Variants in MYO1D observed in about 807,000 individuals in gnomAD.
The protein encoded by MYO1D is myosin ID.
In MYO1D, 83 loss-of-function variants were observed where a neutral mutation model predicts 122.0. That is an observed-to-expected ratio of 0.68 (90% CI 0.57 to 0.82). MYO1D has a LOEUF of 0.82. Ranked by LOEUF, MYO1D falls within the 40% of genes least tolerant of loss-of-function variation. The probability of loss-of-function intolerance (pLI) is 0.00; values close to 1 mark genes in which losing one functional copy is unlikely to be tolerated. For synonymous variants in MYO1D, 464 were observed against 446.9 expected, an observed-to-expected ratio of 1.04 and a Z score of -0.48; for missense variants, 1,157 against 1,269.5, an observed-to-expected ratio of 0.91 and a Z score of 1.35.
At chr17:32,596,609 A>C (rs778209131) in intron 21 of MYO1D, among the ~76,000 whole-genome samples, 3 of 152,272 alleles carry the variant, frequency 2.0e-5, no homozygotes, top group Admixed American at 6.5e-5. Flanking sequence ...GTTCAGTTAA[A>C]TCCAGTAACA....
intron 16 of MYO1D, among the ~76,000 whole-genome samples, chr17:32,687,173 C>G (rs2089026347): frequency 6.7e-6 from 1 of 149,768 alleles, no homozygotes; most frequent in Admixed American, 6.7e-5. Context: ...GTACCACAGG[C>G]AAGGGCCAAC....
chr17:32,528,795 C>T (rs1910423997), intron 21 of MYO1D, among the ~76,000 whole-genome samples: 1 of 152,196 alleles, frequency 6.6e-6, no homozygotes, highest in Admixed American at 6.5e-5. Context: ...GTGCCGGCAG[C>T]TCCCAGAGGC....
Position 32,789,158 on chromosome 17 carries a change from T to C in MYO1D, c.96-8374A>G, listed in dbSNP as rs115310783. Among the ~76,000 whole-genome samples, 272 of 152,298 alleles carry C rather than the reference T, an allele frequency of 1.8e-3. 1 individual carries two copies. Among genetic ancestry groups the C allele is most frequent in the African/African-American group, 6.3e-3 (261 of 41,558 alleles). On this transcript the variant is annotated intron_variant, in intron 1 of 21. Transcript: ENST00000318217. The stretch of plus-strand genomic sequence containing the variant: ...AATTTGTTTATCAGATCTAGGAGCT[T>C]TTTTGATAAAGGGTCTTAGGGGTTT...
At chr17:32,645,110 G>A (rs1361690972) in intron 19 of MYO1D, among the ~76,000 whole-genome samples, 1 of 152,116 alleles carries the variant, frequency 6.6e-6, no homozygotes, top group Non-Finnish European at 1.5e-5. Context: ...CAGGCCTGGT[G>A]GTGACAAAAT....
intron 1 of MYO1D, among the ~76,000 whole-genome samples, chr17:32,831,326 C>T (rs143929189): frequency 7.0e-4 from 107 of 152,270 alleles, no homozygotes; most frequent in African/African-American, 2.5e-3. Context: ...TCTTAGATCA[C>T]GCTGAGTTTT....
chr17:32,818,240 A>C (rs1365512927), intron 1 of MYO1D, among the ~76,000 whole-genome samples: 1 of 151,856 alleles, frequency 6.6e-6, no homozygotes, highest in East Asian at 1.9e-4. Context: ...CCACACCTCT[A>C]TCCTGCAAAT....
intron 21 of MYO1D, 60 bp from the exon 22 acceptor site, chr17:32,494,975 G>C (rs1909037190): frequency 3.3e-6 from 5 of 1,494,410 alleles, no homozygotes; most frequent in Non-Finnish European, 4.5e-6. Context: ...CAGGGCACCT[G>C]CCCGGCAGCT....
intron 7 of MYO1D, among the ~76,000 whole-genome samples, chr17:32,766,743 G>C (rs966594865): frequency 6.6e-6 from 1 of 151,872 alleles, no homozygotes; most frequent in African/African-American, 2.4e-5. Flanking sequence ...AGTGAGCCTA[G>C]ATTGCACCAC....
rs964375758 is a variant in MYO1D at position 32,844,004 on chromosome 17, TAC to T, written c.95+32772_95+32773del. On this transcript the variant is annotated intron_variant, in intron 1 of 21. Coordinates refer to ENST00000318217, the MANE Select transcript of MYO1D (RefSeq NM_015194.3). Reference sequence around the variant, plus strand: ...TAAATATATTTTATATATACACATATACACACACACACATATATATACACATA... The same window carrying T: ...TAAATATATTTTATATATACACATATACACACACACATATATATACACATA... Among the ~76,000 whole-genome samples, 229 of 150,990 alleles carry T rather than the reference TAC, an allele frequency of 1.5e-3. 1 individual carries two copies. The highest frequency in any genetic ancestry group is 4.8e-3 in the African/African-American group (200 of 41,308).
chr17:32,737,050 T>C (rs2151001945), intron 14 of MYO1D, among the ~76,000 whole-genome samples: 1 of 152,340 alleles, frequency 6.6e-6, no homozygotes. Flanking sequence ...TGTGTTCCTG[T>C]GGCATTTGCC....
At chr17:32,806,229 G>A (rs1446748548) in intron 1 of MYO1D, among the ~76,000 whole-genome samples, 1 of 152,184 alleles carries the variant, frequency 6.6e-6, no homozygotes, top group Non-Finnish European at 1.5e-5. Flanking sequence ...CTGCACTCCA[G>A]TCTGGGTGAC....
At chr17:32,538,473 T>A (rs952418580) in intron 21 of MYO1D, among the ~76,000 whole-genome samples, 47 of 151,116 alleles carry the variant, frequency 3.1e-4, no homozygotes, top group African/African-American at 9.3e-4. Context: ...ATTATTATTT[T>A]TTTTTTTGTA....
At chr17:32,792,348 A>C (rs945881263) in intron 1 of MYO1D, 1 of 152,224 alleles carries the variant, frequency 6.6e-6, no homozygotes, top group Non-Finnish European at 1.5e-5. Context: ...TTTTAAACCA[A>C]CGATACTGGC....
intron 13 of MYO1D, among the ~76,000 whole-genome samples, chr17:32,741,871 C>T (rs935960512): frequency 5.9e-5 from 9 of 151,862 alleles, no homozygotes; most frequent in Non-Finnish European, 1.0e-4. Flanking sequence ...AAAAATTAGC[C>T]GGGCGTGGTG....
intron 21 of MYO1D, among the ~76,000 whole-genome samples, chr17:32,548,854 C>G (rs889874996): frequency 1.3e-5 from 2 of 151,626 alleles, no homozygotes; most frequent in African/African-American, 4.8e-5. Context: ...GCTGGGATTA[C>G]AGGTGTGCAC....
chr17:32,604,608 C>G (rs1024593983), intron 21 of MYO1D, among the ~76,000 whole-genome samples: 1 of 152,278 alleles, frequency 6.6e-6, no homozygotes, highest in Admixed American at 6.5e-5. Flanking sequence ...CAGATTATGC[C>G]ATGTTCCATC....
chr17:32,786,742 C>T (rs1018276260), intron 1 of MYO1D, among the ~76,000 whole-genome samples: 2 of 152,138 alleles, frequency 1.3e-5, no homozygotes, highest in Non-Finnish European at 2.9e-5. Flanking sequence ...ATCTCTTGAA[C>T]CCAGGGGGCA....
chr17:32,575,614 C>T (rs147658077), intron 21 of MYO1D, among the ~76,000 whole-genome samples: 1,659 of 152,258 alleles, frequency 0.011, 15 homozygotes, highest in Admixed American at 0.041. Flanking sequence ...CTTTATGCAG[C>T]GAATCCCATG....
chr17:32,873,061 A>C (rs981435392), intron 1 of MYO1D, among the ~76,000 whole-genome samples: 13 of 152,364 alleles, frequency 8.5e-5, no homozygotes, highest in Admixed American at 5.9e-4. Context: ...TTGTCTAAAA[A>C]TCAAGCTTTA....
Sources: gnomAD v4.1 joint callset for allele counts (sites outside exome capture counted in the v4.1 genomes callset) on GRCh38, gnomAD v4.1.1 for gene constraint, MANE v1.5 for transcripts, NCBI Gene and HGNC (gene_info 2026-07-23, HGNC 2026-07-21) for gene names.